Variants in LOC128125822 observed in about 807,000 individuals in gnomAD.
the LOC128125822 span, chr6:63,582,122 G>C: frequency 1.3e-5 from 2 of 151,652 alleles, no homozygotes; most frequent in African/African-American, 4.8e-5. Flanking sequence ...GGAGGCCCTT[G>C]GTTATTTAAA....
At chr6:63,581,004 T>C in the LOC128125822 span, 1 of 152,386 alleles carries the variant, frequency 6.6e-6, no homozygotes, top group African/African-American at 2.4e-5. Flanking sequence ...TAGAATATGC[T>C]CTTTAATTTA....
chr6:63,579,921 C>T, the LOC128125822 span: 1 of 665,680 alleles, frequency 1.5e-6, no homozygotes, highest in Non-Finnish European at 2.6e-6. Flanking sequence ...TGTTCATATT[C>T]CTTTCTGCAT....
chr6:63,581,529 C>T, the LOC128125822 span: 1 of 152,280 alleles, frequency 6.6e-6, no homozygotes, highest in African/African-American at 2.4e-5. Flanking sequence ...TAATGTGTGT[C>T]CTCATCTTTT....
At chr6:63,576,814 A>G in the LOC128125822 span, 3 of 1,311,710 alleles carry the variant, frequency 2.3e-6, no homozygotes, top group African/African-American at 1.5e-5. Flanking sequence ...GTTTCTTTGC[A>G]TCATTTCTGT....
the LOC128125822 span, chr6:63,580,434 C>G: frequency 5.3e-6 from 2 of 377,296 alleles, no homozygotes; most frequent in Non-Finnish European, 9.8e-6. Context: ...GACCTTTCCC[C>G]AAATCATGCA....
chr6:63,582,453 A>C, the LOC128125822 span: 2 of 152,594 alleles, frequency 1.3e-5, no homozygotes, highest in African/African-American at 4.8e-5. Context: ...ATGTGATGAA[A>C]TTTGCTTTTT....
chr6:63,573,348 A>C, the LOC128125822 span: 1 of 151,740 alleles, frequency 6.6e-6, no homozygotes, highest in Non-Finnish European at 1.5e-5. Flanking sequence ...ATCTGGTTCC[A>C]GAGCTTCTCG....
At chr6:63,575,759 A>C in the LOC128125822 span, among the ~76,000 whole-genome samples, 1 of 152,206 alleles carries the variant, frequency 6.6e-6, no homozygotes, top group Non-Finnish European at 1.5e-5. Flanking sequence ...GATATTTCAC[A>C]TAACAAGTTG....
At chr6:63,578,570 TACA>T in the LOC128125822 span, 5 of 1,576,514 alleles carry the variant, frequency 3.2e-6, no homozygotes, top group Non-Finnish European at 4.3e-6. Context: ...GGTGCTGTGC[TACA>T]AAAGTTTATT....
chr6:63,578,818 T>C, the LOC128125822 span: 2 of 1,320,350 alleles, frequency 1.5e-6, no homozygotes, highest in Non-Finnish European at 2.0e-6. Context: ...TTTGAAAACA[T>C]TTCCATGTTA....
At chr6:63,580,393 A>T in the LOC128125822 span, 1 of 483,278 alleles carries the variant, frequency 2.1e-6, no homozygotes, top group South Asian at 3.1e-5. Flanking sequence ...TGCTGTCAGC[A>T]TATAAAATGT....
chr6:63,577,799 C>T, the LOC128125822 span, among the ~76,000 whole-genome samples: 4 of 151,608 alleles, frequency 2.6e-5, no homozygotes, highest in South Asian at 8.3e-4. Flanking sequence ...TGAGCCACCA[C>T]GCCTGGCTGG....
chr6:63,574,020 CT>C, the LOC128125822 span, among the ~76,000 whole-genome samples: 1 of 152,162 alleles, frequency 6.6e-6, no homozygotes, highest in Non-Finnish European at 1.5e-5. Flanking sequence ...GCGGAGCCCC[CT>C]ACCAGTCCAC....
At chr6:63,578,586 A>G in the LOC128125822 span, 18 of 1,560,744 alleles carry the variant, frequency 1.2e-5, no homozygotes, top group Non-Finnish European at 1.5e-5. Context: ...AGTTTATTCA[A>G]ATAGTAAATT....
the LOC128125822 span, chr6:63,580,272 C>A: frequency 1.0e-6 from 1 of 991,662 alleles, no homozygotes; most frequent in Non-Finnish European, 1.5e-6. Flanking sequence ...TCTAATGAAG[C>A]TTCCATAGGA....
chr6:63,581,412 G>A, the LOC128125822 span: 2 of 152,510 alleles, frequency 1.3e-5, no homozygotes, highest in African/African-American at 4.8e-5. Context: ...AACTTAGTGC[G>A]AGAGCTGAAA....
At chr6:63,576,873 A>G in the LOC128125822 span, 1 of 1,606,426 alleles carries the variant, frequency 6.2e-7, no homozygotes, top group Non-Finnish European at 8.5e-7. Context: ...TTTTTTAACT[A>G]AATTAACATG....
the LOC128125822 span, chr6:63,578,942 T>C: frequency 6.2e-7 from 1 of 1,602,624 alleles, no homozygotes; most frequent in Non-Finnish European, 8.5e-7. Flanking sequence ...ACCAGATTGT[T>C]GATGACTGGT....
the LOC128125822 span, chr6:63,572,596 A>G: frequency 4.8e-6 from 2 of 417,092 alleles, no homozygotes; most frequent in Admixed American, 4.4e-5. Flanking sequence ...CATCGCCGCC[A>G]CCGCCGCTCC....
Sources: gnomAD v4.1 joint callset for allele counts (sites outside exome capture counted in the v4.1 genomes callset) on GRCh38, gnomAD v4.1.1 for gene constraint, MANE v1.5 for transcripts.